Variants in PRELID2 observed in about 807,000 individuals in gnomAD.
The protein encoded by PRELID2 is PRELI domain containing 2.
PRELID2 carries 25 observed loss-of-function variants against 28.4 expected under a neutral mutation model. That is an observed-to-expected ratio of 0.88 (90% CI 0.64 to 1.23). PRELID2 has a LOEUF of 1.23. Ranked by LOEUF, PRELID2 falls within the 50% of genes most tolerant of loss-of-function variation. The pLI is 0.00. For synonymous variants in PRELID2, 76 were observed against 71.6 expected, an observed-to-expected ratio of 1.06 and a Z score of -0.31; for missense variants, 201 against 214.4, an observed-to-expected ratio of 0.94 and a Z score of 0.39.
intron 1 of PRELID2, among the ~76,000 whole-genome samples, chr5:145,608,430 T>C (rs1487472318): frequency 6.6e-6 from 1 of 152,162 alleles, no homozygotes; most frequent in Non-Finnish European, 1.5e-5. Context: ...CTTGTAAGGC[T>C]GGTCTGGTGG....
At chr5:145,623,741 C>A (rs74837827) in intron 1 of PRELID2, among the ~76,000 whole-genome samples, 56 of 152,198 alleles carry the variant, frequency 3.7e-4, no homozygotes, top group African/African-American at 1.3e-3. Context: ...AGCATTTCCC[C>A]ATATAAGGAT....
chr5:145,525,054 T>C (rs550367335), intron 1 of PRELID2, among the ~76,000 whole-genome samples: 2 of 152,324 alleles, frequency 1.3e-5, no homozygotes, highest in Admixed American at 1.3e-4. Context: ...ACTAATGAGA[T>C]TAGTCACTGA....
chr5:145,509,488 T>A (rs551086322), intron 1 of PRELID2, among the ~76,000 whole-genome samples: 1 of 152,298 alleles, frequency 6.6e-6, no homozygotes, highest in African/African-American at 2.4e-5. Context: ...AAATTTCACA[T>A]GTCTGAGCAC....
chr5:145,422,328 TG>T, the PRELID2 span, among the ~76,000 whole-genome samples: 1 of 151,998 alleles, frequency 6.6e-6, no homozygotes, highest in Admixed American at 6.6e-5. Flanking sequence ...ATGTTGACAG[TG>T]GGGTGTTAAA....
At chr5:145,549,083 G>T (rs1305530365) in intron 1 of PRELID2, among the ~76,000 whole-genome samples, 1 of 152,126 alleles carries the variant, frequency 6.6e-6, no homozygotes, top group Non-Finnish European at 1.5e-5. Context: ...ATCTTCTCCA[G>T]AAAGTCCTGA....
At chr5:145,830,008 T>C (rs394386) in intron 1 of PRELID2, among the ~76,000 whole-genome samples, 80,908 of 152,036 alleles carry the variant, frequency 0.53, 24,229 homozygotes, top group Non-Finnish European at 0.69. Context: ...AAAGAAATTA[T>C]CAATATTTTA....
intron 5 of PRELID2, among the ~76,000 whole-genome samples, chr5:145,781,389 A>G (rs1274118230): frequency 6.6e-6 from 1 of 152,096 alleles, no homozygotes; most frequent in Non-Finnish European, 1.5e-5. Flanking sequence ...TGTCTGAATG[A>G]CATTTTCCTG....
At chr5:145,715,154 T>C (rs1350695254) in intron 1 of PRELID2, among the ~76,000 whole-genome samples, 1 of 152,166 alleles carries the variant, frequency 6.6e-6, no homozygotes, top group Non-Finnish European at 1.5e-5. Context: ...AATGTTTGCT[T>C]TTTTATTATC....
the PRELID2 span, among the ~76,000 whole-genome samples, chr5:145,305,856 C>T: frequency 7.0e-4 from 106 of 152,308 alleles, no homozygotes; most frequent in Non-Finnish European, 1.2e-3. Context: ...AATGCTTCCC[C>T]ACATCTCTTA....
chr5:145,650,649 GA>G (rs59780066), intron 1 of PRELID2, among the ~76,000 whole-genome samples: 31,262 of 140,418 alleles, frequency 0.22, 6,403 homozygotes, highest in African/African-American at 0.54. Flanking sequence ...CAAGCAAACA[GA>G]AAAAAAAAGT....
intron 5 of PRELID2, among the ~76,000 whole-genome samples, chr5:145,790,721 G>GTGTGTGTATATATATATA (rs772901344): frequency 1.8e-5 from 2 of 110,906 alleles, no homozygotes; most frequent in African/African-American, 6.1e-5. Context: ...GTGTGTGTGT[G>GTGTGTGTATATATATATA]TATATATATA....
the PRELID2 span, chr5:145,229,712 C>G: frequency 1.3e-6 from 1 of 756,696 alleles, no homozygotes; most frequent in South Asian, 1.3e-5. Context: ...ACATCAAGGT[C>G]TTCACCACAG....
At chr5:145,459,115 C>T in the PRELID2 span, among the ~76,000 whole-genome samples, 1 of 152,130 alleles carries the variant, frequency 6.6e-6, no homozygotes, top group Non-Finnish European at 1.5e-5. Context: ...TTGAGTCAAG[C>T]ACAGGCAATC....
chr5:145,651,833 A>G (rs1754303027), intron 1 of PRELID2, among the ~76,000 whole-genome samples: 1 of 152,258 alleles, frequency 6.6e-6, no homozygotes, highest in Non-Finnish European at 1.5e-5. Context: ...TGAAAATTCT[A>G]AAAATCAGAC....
intron 1 of PRELID2, among the ~76,000 whole-genome samples, chr5:145,474,227 G>A (rs1054012309): frequency 3.9e-5 from 6 of 152,184 alleles, no homozygotes; most frequent in Admixed American, 1.3e-4. Flanking sequence ...AATGTAGAAT[G>A]TAGACGTGAT....
At chr5:145,729,005 C>A in intron 1 of PRELID2, 1 of 712,182 alleles carries the variant, frequency 1.4e-6, no homozygotes. Flanking sequence ...CCCACTCCCT[C>A]CTGGCCAAAG....
rs906647468 is a variant in PRELID2 at position 145,620,328 on chromosome 5, T to C, written n.70+144603A>G. On this transcript the variant is annotated intron_variant and non_coding_transcript_variant, in intron 1 of 2. Transcript: ENST00000510259. ...GCAGCCAGAGAATGGTAAATACATA[T>C]CAGTATACATTTGTCCGAGCCTACA... Among the ~76,000 whole-genome samples, 2 of 152,078 alleles carry C rather than the reference T, an allele frequency of 1.3e-5. 1 individual carries two copies. The highest frequency in any genetic ancestry group is 1.3e-4 in the Admixed American group (2 of 15,272).
intron 1 of PRELID2, among the ~76,000 whole-genome samples, chr5:145,706,346 T>G (rs1755547500): frequency 6.6e-6 from 1 of 152,220 alleles, no homozygotes; most frequent in African/African-American, 2.4e-5. Flanking sequence ...CCAGAAGTTA[T>G]AATAAGAACC....
chr5:145,297,927 T>C, the PRELID2 span, among the ~76,000 whole-genome samples: 1 of 152,120 alleles, frequency 6.6e-6, no homozygotes, highest in Non-Finnish European at 1.5e-5. Flanking sequence ...GTGAAGGACC[T>C]CTTTAAGGAG....
Sources: gnomAD v4.1 joint callset for allele counts (sites outside exome capture counted in the v4.1 genomes callset) on GRCh38, gnomAD v4.1.1 for gene constraint, MANE v1.5 for transcripts, NCBI Gene and HGNC (gene_info 2026-07-23, HGNC 2026-07-21) for gene names.